FRMD3: variants seen among roughly 807,000 people sequenced by gnomAD.
FRMD3 encodes the protein FERM domain containing 3, also known as FERM domain-containing protein 3.
A neutral mutation model predicts 70.2 loss-of-function variants in FRMD3; 33 were observed. The observed-to-expected ratio is 0.47, with a 90% confidence interval of 0.36 to 0.63. FRMD3 has a LOEUF of 0.63. FRMD3 is among the 20% of genes least tolerant of loss of function. The pLI, the probability that FRMD3 is intolerant of heterozygous loss-of-function variation, is 0.00. For missense variants in FRMD3, 632 were observed against 711.4 expected (o/e 0.89, Z 1.27); for synonymous variants, 279 against 255.9 (o/e 1.09, Z -0.86).
At chr9:83,298,895 T>G (rs1381128472) in intron 11 of FRMD3, 79 bp from the exon 12 acceptor site, 2 of 1,380,128 alleles carry the variant, frequency 1.4e-6, no homozygotes, top group African/African-American at 2.8e-5. Flanking sequence ...GTCCTTTTGT[T>G]AACTTCACAG....
At chr9:83,243,654 T>TAATC (rs1444231769), downstream of FRMD3, among the ~76,000 whole-genome samples, 1 of 152,164 alleles carries the variant, frequency 6.6e-6, no homozygotes, top group East Asian at 1.9e-4. Context: ...ATCTGAATGC[T>TAATC]AATCACTGAA....
At chr9:83,379,575 C>T (rs1314820349) in intron 2 of FRMD3, among the ~76,000 whole-genome samples, 1 of 152,136 alleles carries the variant, frequency 6.6e-6, no homozygotes, top group Non-Finnish European at 1.5e-5. Flanking sequence ...ATTGATTCTA[C>T]AAAATGAACT....
the FRMD3 span, among the ~76,000 whole-genome samples, chr9:83,582,404 G>A: frequency 6.6e-6 from 1 of 152,188 alleles, no homozygotes; most frequent in Non-Finnish European, 1.5e-5. Context: ...AGGATTTAGA[G>A]TATATTTGCT....
intron 1 of FRMD3, among the ~76,000 whole-genome samples, chr9:83,469,723 G>A (rs983065683): frequency 6.6e-6 from 1 of 152,058 alleles, no homozygotes; most frequent in Non-Finnish European, 1.5e-5. Flanking sequence ...AGAGGGAAAT[G>A]CCTGAATTCA....
At chr9:83,571,036 A>G in the FRMD3 span, among the ~76,000 whole-genome samples, 2 of 152,334 alleles carry the variant, frequency 1.3e-5, no homozygotes, top group Non-Finnish European at 1.5e-5. Flanking sequence ...AATGTAAGTC[A>G]TATGGACTAG....
intron 13 of FRMD3, among the ~76,000 whole-genome samples, chr9:83,270,972 A>T (rs763844860): frequency 6.6e-6 from 1 of 152,100 alleles, no homozygotes; most frequent in Non-Finnish European, 1.5e-5. Flanking sequence ...CCTCCCCAAT[A>T]GTAGCAGTAT....
intron 1 of FRMD3, among the ~76,000 whole-genome samples, chr9:83,530,703 G>C (rs1564118654): frequency 6.6e-6 from 1 of 151,470 alleles, no homozygotes; most frequent in Non-Finnish European, 1.5e-5. Flanking sequence ...TTTGAAAATA[G>C]TTTTTTTTTA....
intron 2 of FRMD3, among the ~76,000 whole-genome samples, chr9:83,378,797 T>TTATATATATACTATATATAAATTTTA (rs1825260719): frequency 4.0e-5 from 3 of 74,888 alleles, no homozygotes; most frequent in Non-Finnish European, 8.7e-5. Context: ...TATGTATAAT[T>TTATATATATACTATATATAAATTTTA]TATATATATA....
intron 1 of FRMD3, among the ~76,000 whole-genome samples, chr9:83,445,446 G>A (rs796224272): frequency 1.1e-4 from 16 of 152,258 alleles, no homozygotes; most frequent in African/African-American, 3.9e-4. Flanking sequence ...CAGAAGATAT[G>A]CTCCAAAGGG....
intron 1 of FRMD3, among the ~76,000 whole-genome samples, chr9:83,530,502 G>C (rs1829771463): frequency 1.3e-5 from 2 of 152,108 alleles, no homozygotes; most frequent in Admixed American, 6.5e-5. Context: ...GGGAAATGGA[G>C]GTATGACTGC....
chr9:83,258,223 GAAAAGCTGTTCTT>G (rs1398847409), intron 13 of FRMD3, among the ~76,000 whole-genome samples: 2 of 152,152 alleles, frequency 1.3e-5, no homozygotes, highest in African/African-American at 4.8e-5. Context: ...GCTATTACTA[GAAAAGCTGTTCTT>G]CATCTCATTA....
intron 1 of FRMD3, among the ~76,000 whole-genome samples, chr9:83,529,554 T>A (rs1056647379): frequency 2.0e-5 from 3 of 152,186 alleles, no homozygotes; most frequent in African/African-American, 7.2e-5. Flanking sequence ...TATAAAACTG[T>A]TTAATGAAAA....
chr9:83,499,317 G>A (rs1003120751), intron 1 of FRMD3, among the ~76,000 whole-genome samples: 4 of 152,198 alleles, frequency 2.6e-5, no homozygotes, highest in African/African-American at 9.7e-5. Flanking sequence ...GAGGAGCTGT[G>A]AAGGAGAGGC....
At chr9:83,258,467 G>A (rs1362704068) in intron 13 of FRMD3, among the ~76,000 whole-genome samples, 1 of 152,210 alleles carries the variant, frequency 6.6e-6, no homozygotes, top group Non-Finnish European at 1.5e-5. Context: ...GTTTGCCTGT[G>A]GGTGATGATC....
At chr9:83,490,666 CAG>C (rs949331563) in intron 1 of FRMD3, among the ~76,000 whole-genome samples, 2 of 152,032 alleles carry the variant, frequency 1.3e-5, no homozygotes, top group Non-Finnish European at 2.9e-5. Flanking sequence ...ACTAGAAAAA[CAG>C]AATACTTTAG....
In FRMD3 at chr9:83,316,148, CT is replaced by C. The variant is rs369641019; in HGVS notation, c.597-2402del. On this transcript the variant is annotated intron_variant, in intron 6 of 13. Coordinates refer to ENST00000304195, the MANE Select transcript of FRMD3 (RefSeq NM_174938.6). ...TATATGCCACCTTATTCTTTTTTCT[CT>C]TTTTTTTTTTTCTTTTTTTTTTTTT... Among the ~76,000 whole-genome samples, 902 of 134,414 alleles carry C rather than the reference CT, an allele frequency of 6.7e-3. 10 individuals are homozygous for C. Among genetic ancestry groups the C allele is most frequent in the African/African-American group, 0.021 (728 of 35,244 alleles). 88.2% of individuals were successfully genotyped at this position (134,414 alleles called of 152,430 possible).
In FRMD3 at chr9:83,500,502, G is replaced by GTGTATGCACACACA. The variant is rs1554713117; in HGVS notation, c.147+37582_147+37583insTGTGTGTGCATACA. Among the ~76,000 whole-genome samples, 10 of 143,802 alleles carry GTGTATGCACACACA rather than the reference G, an allele frequency of 7.0e-5. No individual in the cohort carries two copies. The East Asian group carries it at 9.4e-4, about 13-fold the overall frequency. 94.3% of individuals were successfully genotyped at this position (143,802 alleles called of 152,430 possible). A position where few individuals can be genotyped will look rare whatever the true frequency, so the allele number is the denominator to read the frequency against. Reference sequence around the variant, plus strand: ...CATAGAGTGCTTGGCGTGTATGCGCGCACACACACACACACACACACACAC... The same window carrying GTGTATGCACACACA: ...CATAGAGTGCTTGGCGTGTATGCGCGTGTATGCACACACACACACACACACACACACACACACAC... On this transcript the variant is annotated intron_variant, in intron 1 of 13. Transcript: ENST00000304195.
intron 12 of FRMD3, among the ~76,000 whole-genome samples, chr9:83,291,686 C>T (rs1287887027): frequency 6.6e-6 from 1 of 152,114 alleles, no homozygotes. Context: ...ATCATCCCCA[C>T]CTAGATAAGC....
chr9:83,517,147 A>G (rs1476646790), intron 1 of FRMD3, among the ~76,000 whole-genome samples: 2 of 152,158 alleles, frequency 1.3e-5, no homozygotes, highest in Non-Finnish European at 2.9e-5. Context: ...AGATAGAGAC[A>G]TGAAAAACCC....
Sources: gnomAD v4.1 joint callset for allele counts (sites outside exome capture counted in the v4.1 genomes callset) on GRCh38, gnomAD v4.1.1 for gene constraint, MANE v1.5 for transcripts, NCBI Gene and HGNC (gene_info 2026-07-23, HGNC 2026-07-21) for gene names.